GUCY1A2: variants seen among roughly 807,000 people sequenced by gnomAD.
GUCY1A2 encodes guanylate cyclase soluble subunit alpha-2.
A neutral mutation model predicts 63.5 loss-of-function variants in GUCY1A2; 27 were observed. That is an observed-to-expected ratio of 0.43 (90% CI 0.31 to 0.59). GUCY1A2 has a LOEUF of 0.59. GUCY1A2 is among the 20% of genes least tolerant of loss of function. The pLI is 0.11. For missense variants in GUCY1A2, 768 were observed against 913.3 expected (o/e 0.84, Z 2.05); for synonymous variants, 364 against 343.5 (o/e 1.06, Z -0.66).
intron 4 of GUCY1A2, chr11:106,824,923 C>G: frequency 1.2e-6 from 2 of 1,611,500 alleles, no homozygotes; most frequent in East Asian, 4.5e-5. Context: ...TCTAAGAATA[C>G]AGGAGCTAAG....
At position 106,678,303 on chromosome 11, in the gene GUCY1A2, A is replaced by C. The variant is rs1862379065; in HGVS notation, c.*9246T>G. On this transcript the variant is annotated 3_prime_UTR_variant, in exon 8 of 8. Coordinates refer to ENST00000526355, the MANE Select transcript of GUCY1A2 (RefSeq NM_000855.3). ...CAAGCCAAGGTTAAGTTTTGGTTTCAGTGTGGTAATTTTTACCAAAAAAAT... is the reference window on the plus strand; with the variant it reads ...CAAGCCAAGGTTAAGTTTTGGTTTCCGTGTGGTAATTTTTACCAAAAAAAT... 4.9e-6 allele frequency: 1 copy of C among 205,910 alleles called. No individual in the cohort carries two copies. The highest frequency in any genetic ancestry group is 6.0e-5 in the Admixed American group (1 of 16,762). 12.8% of individuals were successfully genotyped at this position (205,910 alleles called of 1,614,324 possible). A position where few individuals can be genotyped will look rare whatever the true frequency, so the allele number is the denominator to read the frequency against.
intron 4 of GUCY1A2, among the ~76,000 whole-genome samples, chr11:106,881,051 G>C (rs994458627): frequency 2.0e-5 from 3 of 152,034 alleles, no homozygotes; most frequent in Non-Finnish European, 4.4e-5. Context: ...TTATCTCTGA[G>C]GTTCCTTCCA....
At chr11:106,891,076 C>G (rs1385476465) in intron 4 of GUCY1A2, among the ~76,000 whole-genome samples, 1 of 152,100 alleles carries the variant, frequency 6.6e-6, no homozygotes. Flanking sequence ...AATGGTTATA[C>G]CAGTTACATT....
chr11:106,964,002 CTTA>C (rs1181794336), intron 3 of GUCY1A2, among the ~76,000 whole-genome samples: 1 of 151,920 alleles, frequency 6.6e-6, no homozygotes, highest in Non-Finnish European at 1.5e-5. Flanking sequence ...CATTTGCTTT[CTTA>C]TTCTCTCTCA....
chr11:107,005,277 T>A (rs1317928272), intron 1 of GUCY1A2, among the ~76,000 whole-genome samples: 1 of 152,184 alleles, frequency 6.6e-6, no homozygotes, highest in African/African-American at 2.4e-5. Context: ...TGATTTTACA[T>A]TTTTTAAATT....
At chr11:106,746,620 G>A in intron 6 of GUCY1A2, 1 of 1,595,502 alleles carries the variant, frequency 6.3e-7, no homozygotes, top group Non-Finnish European at 8.5e-7. Flanking sequence ...CAGGAAAGGA[G>A]AAAAGGAGTT....
intron 4 of GUCY1A2, 105 bp downstream of exon 4, chr11:106,939,355 A>T: frequency 1.5e-6 from 1 of 687,066 alleles, no homozygotes; most frequent in Non-Finnish European, 2.5e-6. Context: ...ATGGCACTTT[A>T]AGCTCTCTTG....
At chr11:106,956,297 G>C (rs780072586) in intron 3 of GUCY1A2, among the ~76,000 whole-genome samples, 1 of 151,902 alleles carries the variant, frequency 6.6e-6, no homozygotes, top group Non-Finnish European at 1.5e-5. Flanking sequence ...CCGTCCATCT[G>C]ATCCTCCCTC....
At chr11:106,689,594 CCAACACGTATATGAAAAAAAGCT>C (rs1444355684) in intron 7 of GUCY1A2, among the ~76,000 whole-genome samples, 1 of 152,108 alleles carries the variant, frequency 6.6e-6, no homozygotes, top group Non-Finnish European at 1.5e-5. Context: ...ACACATGAAG[CCAACACGTATATGAAAAAAAGCT>C]CAACATCACT....
At position 106,775,077 on chromosome 11, in the gene GUCY1A2, G is replaced by A. The variant is rs139751239; in HGVS notation, c.1836+1362C>T. Among the ~76,000 whole-genome samples, 76 of 152,110 alleles carry A rather than the reference G, an allele frequency of 5.0e-4. 1 individual carries two copies. Among genetic ancestry groups the A allele is most frequent in the Admixed American group, 1.2e-3 (19 of 15,268 alleles). On this transcript the variant is annotated intron_variant, in intron 6 of 7. Coordinates refer to ENST00000526355, the MANE Select transcript of GUCY1A2 (RefSeq NM_000855.3). ...CCCATAGTACTTTGTTTTCATGTGT[G>A]TGTGGCTTTTTTCTTTTTTATTACT...
At chr11:107,015,790 A>G (rs1861815407) in intron 1 of GUCY1A2, among the ~76,000 whole-genome samples, 1 of 152,128 alleles carries the variant, frequency 6.6e-6, no homozygotes. Flanking sequence ...ACAATTTGCA[A>G]CATCAAATAG....
intron 3 of GUCY1A2, among the ~76,000 whole-genome samples, chr11:106,955,020 C>T (rs1193338000): frequency 6.6e-6 from 1 of 151,652 alleles, no homozygotes; most frequent in Non-Finnish European, 1.5e-5. Flanking sequence ...CTCTTGTTGC[C>T]CAGGCTGGAG....
intron 7 of GUCY1A2, among the ~76,000 whole-genome samples, chr11:106,688,712 C>T (rs1018256296): frequency 3.3e-5 from 5 of 151,926 alleles, no homozygotes; most frequent in African/African-American, 9.7e-5. Context: ...AAAGTAGACA[C>T]GAAAATTGCA....
At chr11:106,893,278 C>T (rs1037130331) in intron 4 of GUCY1A2, among the ~76,000 whole-genome samples, 1 of 152,066 alleles carries the variant, frequency 6.6e-6, no homozygotes, top group Non-Finnish European at 1.5e-5. Flanking sequence ...GCAAGTAGCA[C>T]ATATCTATTT....
At chr11:106,764,092 C>T (rs1348273346) in intron 6 of GUCY1A2, among the ~76,000 whole-genome samples, 3 of 151,898 alleles carry the variant, frequency 2.0e-5, no homozygotes, top group African/African-American at 7.3e-5. Context: ...TTAATTTTTT[C>T]TTCAGATATT....
intron 3 of GUCY1A2, among the ~76,000 whole-genome samples, chr11:106,946,368 C>A (rs766550920): frequency 6.6e-5 from 10 of 151,808 alleles, no homozygotes; most frequent in Non-Finnish European, 1.3e-4. Flanking sequence ...GAAACAAAAA[C>A]AATGTAAAAG....
rs920982961 is a variant in GUCY1A2, at chr11:106,936,654, A to G, written c.1206+2806T>C. 9 of 1,524,590 alleles carry G rather than the reference A, an allele frequency of 5.9e-6. No homozygotes were observed. The South Asian group carries it at 7.2e-5, about 12-fold the overall frequency. 94.4% of individuals were successfully genotyped at this position (1,524,590 alleles called of 1,614,324 possible). On this transcript the variant is annotated intron_variant, in intron 4 of 7. Coordinates refer to ENST00000526355, the MANE Select transcript of GUCY1A2 (RefSeq NM_000855.3). ...CTGGAAGAGTTTTTTTCTAACCTCA[A>G]GACTGTTGAATCCTGCCACTGATAA...
At position 106,773,186 on chromosome 11, in the gene GUCY1A2, C is replaced by CTTTT. The variant is rs11423947; in HGVS notation, c.1836+3249_1836+3252dup. On this transcript the variant is annotated intron_variant, in intron 6 of 7. Transcript: ENST00000526355. ...AGCTTGAATTTTGTGTTAATCATTC[C>CTTTT]TTTTATTTTTTACACTTTTTGCCAT... Among the ~76,000 whole-genome samples the CTTTT allele has an allele frequency of 4.0e-3, 593 of 149,822 alleles. 6 individuals carry two copies. Among genetic ancestry groups the CTTTT allele is most frequent in the African/African-American group, 0.011 (430 of 40,914 alleles).
In GUCY1A2 at chr11:106,810,159, C is replaced by G. The variant is rs374178173; in HGVS notation, c.1526G>C (p.Gly509Ala). Reference protein sequence around the residue: ...PGDVAQQLWQGQQVQARKFDD... With the variant: ...PGDVAQQLWQAQQVQARKFDD... ...AAACTTTCTGGCCTGTACTTGCTGC[C>G]CTTGCCATAATTGCTGGGCTACATC... Residue 509 changes from glycine (G) to alanine (A), a missense_variant, in exon 5 of 8, where the codon GGG becomes GCG. This residue lies in a region of GUCY1A2 where 122 missense variants were observed against 238.1 expected (regional missense o/e 0.51). Transcript: ENST00000526355. 1.2e-6 allele frequency: 2 copies of G among 1,613,694 alleles called. No homozygotes were observed. Among genetic ancestry groups the G allele is most frequent in the Non-Finnish European group, 1.7e-6 (2 of 1,179,832 alleles).
Sources: allele counts gnomAD v4.1 joint callset (sites outside exome capture counted in the v4.1 genomes callset), GRCh38; gene constraint gnomAD v4.1.1; regional missense constraint gnomAD v4.1.1; transcripts MANE v1.5; gene names NCBI Gene and HGNC (gene_info 2026-07-23, HGNC 2026-07-21).